PSPC1: variants seen among roughly 807,000 people sequenced by gnomAD.
The protein encoded by PSPC1 is paraspeckle protein 1.
PSPC1 carries 14 observed loss-of-function variants against 51.6 expected under a neutral mutation model. The ratio of observed to expected loss-of-function variants is 0.27; its 90% CI spans 0.18 to 0.42. PSPC1 has a LOEUF of 0.42. PSPC1 is among the 10% of genes least tolerant of loss of function. The pLI, the probability that PSPC1 is intolerant of heterozygous loss-of-function variation, is 1.00. For synonymous variants in PSPC1, 193 were observed against 231.9 expected (o/e 0.83, Z 1.53); for missense variants, 406 against 701.1 (o/e 0.58, Z 4.75).
intron 6 of PSPC1, among the ~76,000 whole-genome samples, chr13:19,693,663 G>A (rs1225565412): frequency 1.3e-5 from 2 of 152,158 alleles, no homozygotes; most frequent in East Asian, 1.9e-4. Flanking sequence ...GTATCAAGGT[G>A]ATAGCAAACA....
At chr13:19,730,957 C>CAAAAAAAAAAA (rs1483772556) in intron 5 of PSPC1, among the ~76,000 whole-genome samples, 2 of 36,956 alleles carry the variant, frequency 5.4e-5, no homozygotes, top group African/African-American at 1.6e-4. Flanking sequence ...AAAAAAAAAA[C>CAAAAAAAAAAA]AAAAAAACAA....
rs184967583 is a variant in PSPC1, at chr13:19,732,473, G to A, written c.1053-2129C>T. ...TAATAATATACTTATATGCTCAGTG[G>A]GATCTGGGGCAGCACCCCATAATCA... On this transcript the variant is annotated intron_variant, in intron 5 of 8. Coordinates refer to ENST00000338910, the MANE Select transcript of PSPC1 (RefSeq NM_001354909.2). Among the ~76,000 whole-genome samples, 266 of 152,142 alleles carry A rather than the reference G, an allele frequency of 1.7e-3. 2 individuals carry two copies. Among genetic ancestry groups the A allele is most frequent in the South Asian group, 0.013 (63 of 4,824 alleles).
At chr13:19,751,239 C>A in intron 4 of PSPC1, 32 bp downstream of exon 4, 1 of 1,478,950 alleles carries the variant, frequency 6.8e-7, no homozygotes, top group Non-Finnish European at 9.0e-7. Context: ...AAAAAAAAAT[C>A]ATACCACATG....
Position 19,702,976 on chromosome 13 carries a change from A to C in PSPC1, c.*199T>G. 2.2e-6 allele frequency: 1 copy of C among 458,372 alleles called. No individual in the cohort carries two copies. The highest frequency in any genetic ancestry group is 3.5e-5 in the South Asian group (1 of 28,752). The allele number at this position is 458,372 out of a possible 1,614,324, so 28.4% of individuals were successfully genotyped here. On this transcript the variant is annotated 3_prime_UTR_variant, in exon 9 of 9. Coordinates refer to ENST00000338910, the MANE Select transcript of PSPC1 (RefSeq NM_001354909.2). ...TCACAAACACATTTCAACATTCAAAATGATGAGCATCATTACCATTCTAAT... is the reference window on the plus strand; with the variant it reads ...TCACAAACACATTTCAACATTCAAACTGATGAGCATCATTACCATTCTAAT...
At chr13:19,734,426 T>C (rs1451760066) in intron 5 of PSPC1, among the ~76,000 whole-genome samples, 1 of 152,230 alleles carries the variant, frequency 6.6e-6, no homozygotes, top group Non-Finnish European at 1.5e-5. Flanking sequence ...CTTGCTGTTA[T>C]TGTTCAGCAC....
rs1445527704 is a variant in PSPC1, at chr13:19,730,291, T to C, written c.1106A>G (p.Gln369Arg). 12 of 1,614,186 alleles carry C rather than the reference T, an allele frequency of 7.4e-6. No individual in the cohort carries two copies. Among genetic ancestry groups the C allele is most frequent in the Non-Finnish European group, 9.3e-6 (11 of 1,180,020 alleles). Residue 369 changes from glutamine to arginine, a missense_variant, in exon 6 of 9, where the codon CAG becomes CGG. By Grantham distance (43) the Gln-to-Arg change is conservative. Around this residue, in one of 5 missense-constraint regions of PSPC1, gnomAD observed 61 missense variants for 78.4 expected, o/e 0.78. Coordinates refer to ENST00000338910, the MANE Select transcript of PSPC1 (RefSeq NM_001354909.2). Reference protein sequence around the residue: ...REEEMIRHREQEELRRQQEGF... With the variant: ...REEEMIRHREREELRRQQEGF... Reference sequence around the variant, plus strand: ...CTCTTGCTGTCGCCTCAGTTCCTCCTGTTCTCTGTGTCGGATCATTTCTTC... The same window carrying C: ...CTCTTGCTGTCGCCTCAGTTCCTCCCGTTCTCTGTGTCGGATCATTTCTTC...
chr13:19,717,957 T>A (rs1484847506), intron 6 of PSPC1, among the ~76,000 whole-genome samples: 1 of 151,480 alleles, frequency 6.6e-6, no homozygotes, highest in Non-Finnish European at 1.5e-5. Flanking sequence ...CGCAGGAGGA[T>A]CCCTTGAGGT....
At chr13:19,675,758 G>C (rs1343822802) in intron 7 of PSPC1, 1 of 152,190 alleles carries the variant, frequency 6.6e-6, no homozygotes, top group South Asian at 2.1e-4. Flanking sequence ...TGCTAGACTA[G>C]AATCACTGAC....
downstream of PSPC1, among the ~76,000 whole-genome samples, chr13:19,674,428 A>C (rs1876398706): frequency 6.6e-6 from 1 of 152,178 alleles, no homozygotes; most frequent in South Asian, 2.1e-4. Flanking sequence ...TGATCAGGAG[A>C]GTCTATTTGA....
At chr13:19,778,392 C>CTCCCT (rs1889440364) in intron 1 of PSPC1, among the ~76,000 whole-genome samples, 1 of 54,630 alleles carries the variant, frequency 1.8e-5, no homozygotes, top group Non-Finnish European at 3.8e-5. Context: ...TCCCCCTCCC[C>CTCCCT]CTCCCTCTCC....
intron 8 of PSPC1, among the ~76,000 whole-genome samples, chr13:19,705,285 G>T (rs1226062681): frequency 6.6e-6 from 1 of 152,212 alleles, no homozygotes; most frequent in Non-Finnish European, 1.5e-5. Context: ...ACGAGGTCAG[G>T]AGTTTGAGAC....
At chr13:19,769,882 C>T (rs6490485) in intron 2 of PSPC1, among the ~76,000 whole-genome samples, 1 of 152,166 alleles carries the variant, frequency 6.6e-6, no homozygotes, top group African/African-American at 2.4e-5. Context: ...AAGAACTTGG[C>T]AGTTTCTTAT....
intron 2 of PSPC1, among the ~76,000 whole-genome samples, chr13:19,766,362 G>C (rs1888068519): frequency 6.6e-6 from 1 of 152,110 alleles, no homozygotes; most frequent in Admixed American, 6.6e-5. Flanking sequence ...GACAGAGTGA[G>C]ACCCTGTCTC....
chr13:19,713,172 T>C (rs1440376777), intron 6 of PSPC1, among the ~76,000 whole-genome samples: 1 of 152,332 alleles, frequency 6.6e-6, no homozygotes, highest in East Asian at 1.9e-4. Flanking sequence ...AACCAGTGCG[T>C]ATACGTGATA....
At chr13:19,735,695 C>T (rs926991072) in intron 5 of PSPC1, among the ~76,000 whole-genome samples, 1 of 152,142 alleles carries the variant, frequency 6.6e-6, no homozygotes, top group African/African-American at 2.4e-5. Context: ...TGGCAGCAGC[C>T]TCAGCCAGAT....
chr13:19,688,741 G>T lies in PSPC1; in HGVS notation c.1159-10918C>A, dbSNP rs180989200. On this transcript the variant is annotated intron_variant and NMD_transcript_variant, in intron 6 of 7. Coordinates refer to the PSPC1 transcript ENST00000471658. ...ATCAATTATTCCTAATCTATGACTC[G>T]AGCGTCTACTAACTCAGCTCAAGCA... Among the ~76,000 whole-genome samples, 36 of 152,056 alleles carry T rather than the reference G, an allele frequency of 2.4e-4. No homozygotes were observed. The East Asian group carries it at 6.9e-3, about 29-fold the overall frequency.
At chr13:19,692,800 C>T (rs924918337) in intron 6 of PSPC1, among the ~76,000 whole-genome samples, 2 of 152,076 alleles carry the variant, frequency 1.3e-5, no homozygotes, top group Non-Finnish European at 2.9e-5. Flanking sequence ...TTAGAAACAG[C>T]TGAATTCACT....
intron 5 of PSPC1, among the ~76,000 whole-genome samples, chr13:19,730,839 C>A (rs185364884): frequency 1.3e-5 from 2 of 150,970 alleles, no homozygotes; most frequent in Admixed American, 6.6e-5. Flanking sequence ...CCCAGCTACT[C>A]GAGAGGCTGA....
intron 6 of PSPC1, among the ~76,000 whole-genome samples, chr13:19,711,530 C>G (rs1881420463): frequency 6.7e-6 from 1 of 149,152 alleles, no homozygotes; most frequent in African/African-American, 2.5e-5. Flanking sequence ...CCCAACTATT[C>G]GGGAGGCTGA....
Sources: gnomAD v4.1 joint callset for allele counts (sites outside exome capture counted in the v4.1 genomes callset) on GRCh38, gnomAD v4.1.1 for gene constraint, gnomAD v4.1.1 regional missense constraint, MANE v1.5 for transcripts, NCBI Gene and HGNC (gene_info 2026-07-23, HGNC 2026-07-21) for gene names.